STK3: variants seen among roughly 807,000 people sequenced by gnomAD.
The protein encoded by STK3 is serine/threonine-protein kinase 3.
A neutral mutation model predicts 58.0 loss-of-function variants in STK3; 41 were observed. That is an observed-to-expected ratio of 0.71 (90% CI 0.55 to 0.92). The LOEUF is 0.92. STK3 is among the 40% of genes least tolerant of loss of function. The probability of loss-of-function intolerance (pLI) is 0.00; values close to 1 mark genes in which losing one functional copy is unlikely to be tolerated. For synonymous variants in STK3, 170 were observed against 191.0 expected (o/e 0.89, Z 0.91); for missense variants, 479 against 602.7 (o/e 0.79, Z 2.15).
At chr8:98,811,370 T>C (rs1339313178) in intron 1 of STK3, among the ~76,000 whole-genome samples, 1 of 152,156 alleles carries the variant, frequency 6.6e-6, no homozygotes, top group East Asian at 1.9e-4. Context: ...CTACTAATAG[T>C]AGCTACTTAA....
At chr8:98,754,619 C>T (rs1331096471) in intron 3 of STK3, among the ~76,000 whole-genome samples, 1 of 151,924 alleles carries the variant, frequency 6.6e-6, no homozygotes, top group African/African-American at 2.4e-5. Context: ...GAGTGATTCT[C>T]GTGCCTCAAC....
At chr8:98,720,937 T>C (rs761100600) in intron 4 of STK3, 248 of 231,056 alleles carry the variant, frequency 1.1e-3, no homozygotes, top group Non-Finnish European at 6.0e-4. Flanking sequence ...AAATAGGCAG[T>C]AAAAAAAAAT....
At chr8:98,936,751 G>C (rs1840213253) in intron 1 of STK3, among the ~76,000 whole-genome samples, 1 of 152,188 alleles carries the variant, frequency 6.6e-6, no homozygotes, top group Non-Finnish European at 1.5e-5. Flanking sequence ...TGCACTTAGT[G>C]TACTTTTCCA....
chr8:98,867,411 T>C (rs554707717), intron 3 of STK3, among the ~76,000 whole-genome samples: 2 of 152,216 alleles, frequency 1.3e-5, no homozygotes, highest in South Asian at 4.1e-4. Flanking sequence ...TGAAACCCTG[T>C]CTCGAAAAAA....
intron 4 of STK3, among the ~76,000 whole-genome samples, chr8:98,713,277 C>G (rs1326262897): frequency 6.6e-6 from 1 of 151,950 alleles, no homozygotes; most frequent in African/African-American, 2.4e-5. Context: ...CAAGAAATAA[C>G]TAAGATCAGA....
chr8:98,419,031 GCT>G (rs1818143234), intron 3 of STK3, among the ~76,000 whole-genome samples: 1 of 152,220 alleles, frequency 6.6e-6, no homozygotes, highest in Admixed American at 6.5e-5. Flanking sequence ...GTATGTCCTG[GCT>G]CTGTAGCTTC....
chr8:98,828,567 T>G, upstream of STK3, among the ~76,000 whole-genome samples: 1 of 136,664 alleles, frequency 7.3e-6, no homozygotes, highest in African/African-American at 2.8e-5. Context: ...AGCAATAGAG[T>G]GAGACCCTGT....
intron 9 of STK3, among the ~76,000 whole-genome samples, chr8:98,542,205 C>T (rs558995137): frequency 6.3e-4 from 90 of 141,758 alleles, no homozygotes; most frequent in African/African-American, 2.0e-3. Context: ...CCTTTTTCTC[C>T]ATTTCCAAAA....
In STK3 at chr8:98,934,578, G is replaced by A. The variant is rs559447249; in HGVS notation, c.-79+7800C>T. Among the ~76,000 whole-genome samples the A allele has an allele frequency of 3.9e-5, 6 of 152,312 alleles. No individual in the cohort carries two copies. The South Asian group carries it at 8.3e-4, about 21-fold the overall frequency. ...AAGCAGCAAAGGTGTCAGTGAAAAC[G>A]ATGTAGAACCAATGACAGTGATTAT... On this transcript the variant is annotated intron_variant, in intron 1 of 1. Transcript: ENST00000519420.
At chr8:98,758,608 A>T (rs1725227852) in intron 3 of STK3, among the ~76,000 whole-genome samples, 1 of 152,244 alleles carries the variant, frequency 6.6e-6, no homozygotes, top group African/African-American at 2.4e-5. Flanking sequence ...ACTTAAAGTC[A>T]TGAGAGGCAT....
intron 4 of STK3, among the ~76,000 whole-genome samples, chr8:98,728,322 A>G (rs979343258): frequency 8.5e-5 from 13 of 152,250 alleles, no homozygotes; most frequent in African/African-American, 2.9e-4. Context: ...CACAAAGTAC[A>G]TACATTAGGA....
chr8:98,656,254 A>G (rs1364832218), intron 6 of STK3, among the ~76,000 whole-genome samples: 1 of 151,682 alleles, frequency 6.6e-6, no homozygotes, highest in Non-Finnish European at 1.5e-5. Flanking sequence ...CAAACACTGC[A>G]TGTTCTCACT....
At chr8:98,648,744 A>C (rs1820613636) in intron 6 of STK3, among the ~76,000 whole-genome samples, 1 of 151,972 alleles carries the variant, frequency 6.6e-6, no homozygotes, top group Non-Finnish European at 1.5e-5. Context: ...ATACAAAAAT[A>C]AGCCGGCTGT....
intron 6 of STK3, among the ~76,000 whole-genome samples, chr8:98,693,959 C>T (rs1824623971): frequency 6.6e-6 from 1 of 152,116 alleles, no homozygotes; most frequent in African/African-American, 2.4e-5. Flanking sequence ...CACATGTGGA[C>T]ATAACCACAT....
intron 3 of STK3, among the ~76,000 whole-genome samples, chr8:98,854,217 C>A (rs751291005): frequency 2.6e-5 from 4 of 152,152 alleles, no homozygotes; most frequent in Non-Finnish European, 5.9e-5. Context: ...CGGCTCACTG[C>A]AACCTCTGCC....
chr8:98,721,133 G>A (rs1202322167), intron 4 of STK3: 2 of 984,670 alleles, frequency 2.0e-6, no homozygotes, highest in Non-Finnish European at 2.4e-6. Context: ...GGCTTTATGA[G>A]CATTTTATTG....
chr8:98,917,647 G>A (rs1267389479), intron 1 of STK3, among the ~76,000 whole-genome samples: 5 of 152,128 alleles, frequency 3.3e-5, no homozygotes, highest in Non-Finnish European at 5.9e-5. Context: ...CCTTCATCTC[G>A]AATAGCCCAG....
chr8:98,737,813 T>G (rs1407855867), intron 4 of STK3, among the ~76,000 whole-genome samples: 2 of 152,174 alleles, frequency 1.3e-5, no homozygotes, highest in African/African-American at 2.4e-5. Flanking sequence ...GTTCAAGAGA[T>G]TCTCCTGCCT....
chr8:98,442,846 A>G (rs576555581), intron 1 of STK3, among the ~76,000 whole-genome samples: 1 of 152,344 alleles, frequency 6.6e-6, no homozygotes, highest in East Asian at 1.9e-4. Flanking sequence ...TATGTATTCT[A>G]TAAAGCACTT....
Sources: allele counts gnomAD v4.1 joint callset (sites outside exome capture counted in the v4.1 genomes callset), GRCh38; gene constraint gnomAD v4.1.1; transcripts MANE v1.5; gene names NCBI Gene and HGNC (gene_info 2026-07-23, HGNC 2026-07-21).